Variants in DLG1 observed in about 807,000 individuals in gnomAD.
DLG1 encodes discs large MAGUK scaffold protein 1.
DLG1 carries 42 observed loss-of-function variants against 123.4 expected under a neutral mutation model. That is an observed-to-expected ratio of 0.34 (90% CI 0.27 to 0.44). DLG1 has a LOEUF of 0.44. Ranked by LOEUF, DLG1 falls within the 20% of genes least tolerant of loss-of-function variation. The pLI is 1.00. For synonymous variants in DLG1, 317 were observed against 356.2 expected (o/e 0.89, Z 1.24); for missense variants, 942 against 1,082.6 (o/e 0.87, Z 1.82).
intron 13 of DLG1, among the ~76,000 whole-genome samples, chr3:197,105,754 C>A (rs1765997186): frequency 6.6e-6 from 1 of 151,990 alleles, no homozygotes; most frequent in South Asian, 2.1e-4. Flanking sequence ...TGTTCCTTTT[C>A]CACAATAAGA....
chr3:197,232,270 G>T (rs748703140), intron 4 of DLG1, among the ~76,000 whole-genome samples: 52 of 151,710 alleles, frequency 3.4e-4, no homozygotes, highest in Admixed American at 1.2e-3. Context: ...GGAGGCTGAG[G>T]GGGGAAGACA....
intron 11 of DLG1, among the ~76,000 whole-genome samples, chr3:197,120,608 C>A (rs975973191): frequency 6.6e-6 from 1 of 152,140 alleles, no homozygotes; most frequent in Non-Finnish European, 1.5e-5. Context: ...TAGAGCATAT[C>A]TTCTATGGAG....
intron 16 of DLG1, among the ~76,000 whole-genome samples, chr3:197,084,397 C>T (rs925942503): frequency 1.3e-5 from 2 of 151,316 alleles, no homozygotes; most frequent in Non-Finnish European, 2.9e-5. Context: ...CTGCAACCTC[C>T]ACCTCCTGGG....
chr3:197,068,542 C>A, intron 19 of DLG1: 1 of 1,569,944 alleles, frequency 6.4e-7, no homozygotes, highest in South Asian at 1.1e-5. Flanking sequence ...AGATTACTTT[C>A]ATATTAGACA....
intron 5 of DLG1, among the ~76,000 whole-genome samples, chr3:197,179,308 C>A (rs548170052): frequency 6.6e-6 from 1 of 152,068 alleles, no homozygotes; most frequent in Non-Finnish European, 1.5e-5. Flanking sequence ...GTCATCTACA[C>A]GTGACTGGTT....
At chr3:197,155,740 G>C (rs1796130696) in intron 5 of DLG1, among the ~76,000 whole-genome samples, 1 of 152,082 alleles carries the variant, frequency 6.6e-6, no homozygotes, top group Non-Finnish European at 1.5e-5. Context: ...AGACCAGCCT[G>C]TGGAACATGG....
intron 4 of DLG1, chr3:197,226,458 A>G (rs1561554046): frequency 1.3e-5 from 2 of 152,200 alleles, no homozygotes; most frequent in Non-Finnish European, 2.9e-5. Context: ...TCAATAAGAG[A>G]TGAGCCCAGA....
Position 197,080,987 on chromosome 3 carries a change from CTTTTCA to C in DLG1, c.1905+58_1905+63del, listed in dbSNP as rs1161900413. The C allele has an allele frequency of 4.1e-6, 6 of 1,451,528 alleles. No individual in the cohort carries two copies. In the East Asian group the frequency reaches 9.2e-5, roughly 22 times the overall value. The allele number at this position is 1,451,528 out of a possible 1,614,324, so 89.9% of individuals were successfully genotyped here. ...CATGAATAATTCTGATAGCAAAATCCTTTTCATTTTAACAATGTAGCTCAAACAGGA... is the reference window on the plus strand; with the variant it reads ...CATGAATAATTCTGATAGCAAAATCCTTTTAACAATGTAGCTCAAACAGGA... On this transcript the variant is annotated intron_variant, in intron 17 of 24. Transcript: ENST00000667157.
At position 197,140,142 on chromosome 3, in the gene DLG1, C is replaced by T. The variant is rs769702380; in HGVS notation, c.711G>A (p.Leu237=). Reference sequence around the variant, plus strand: ...ACAATAAAAAGCGCAAAACATACCGCAATCTTCCATCTTGGGCGGCTGCTC... The same window carrying T: ...ACAATAAAAAGCGCAAAACATACCGTAATCTTCCATCTTGGGCGGCTGCTC... ...TGGAAAQDGR[L]RVNDCILRVN... The change falls in exon 8 of 25, where the codon TTG becomes TTA. Residue 237 remains leucine (L), a splice_region_variant and synonymous_variant. Transcript: ENST00000667157. The T allele has an allele frequency of 1.2e-6, 2 of 1,612,410 alleles. No homozygotes were observed. The highest frequency in any genetic ancestry group is 1.7e-6 in the Non-Finnish European group (2 of 1,179,196).
At chr3:197,130,340 C>T (rs1440298302) in intron 11 of DLG1, among the ~76,000 whole-genome samples, 187 bp downstream of exon 11, 1 of 139,422 alleles carries the variant, frequency 7.2e-6, no homozygotes, top group East Asian at 1.9e-4. Context: ...AAAGGATCCC[C>T]CCCTTCTAAT....
chr3:197,196,154 C>A (rs943025727), intron 4 of DLG1, among the ~76,000 whole-genome samples: 1 of 107,548 alleles, frequency 9.3e-6, no homozygotes, highest in African/African-American at 3.7e-5. Flanking sequence ...GAAAAATGTA[C>A]GTTTGTAAAT....
At chr3:197,213,048 G>A (rs1238682053) in intron 4 of DLG1, among the ~76,000 whole-genome samples, 1 of 152,106 alleles carries the variant, frequency 6.6e-6, no homozygotes, top group Non-Finnish European at 1.5e-5. Flanking sequence ...CCTAGGATAT[G>A]AAAACAACCT....
intron 4 of DLG1, among the ~76,000 whole-genome samples, chr3:197,280,999 A>G (rs1304180548): frequency 6.6e-6 from 1 of 151,050 alleles, no homozygotes; most frequent in African/African-American, 2.4e-5. Flanking sequence ...TTAAGCTAAC[A>G]TGCTAAACTT....
At chr3:197,129,039 T>C (rs1781202317) in intron 11 of DLG1, among the ~76,000 whole-genome samples, 1 of 152,220 alleles carries the variant, frequency 6.6e-6, no homozygotes, top group Non-Finnish European at 1.5e-5. Flanking sequence ...GGGCATTGGC[T>C]TCAACTGAAA....
chr3:197,099,574 T>C (rs1762384670), intron 14 of DLG1, among the ~76,000 whole-genome samples: 2 of 152,324 alleles, frequency 1.3e-5, no homozygotes, highest in African/African-American at 4.8e-5. Flanking sequence ...TATACGCTTA[T>C]ACAAGGAGAG....
intron 5 of DLG1, among the ~76,000 whole-genome samples, chr3:197,171,915 A>G (rs1434321779): frequency 6.6e-6 from 1 of 152,100 alleles, no homozygotes; most frequent in Non-Finnish European, 1.5e-5. Context: ...ATGGGCCCTT[A>G]ATGCTTCCCA....
intron 4 of DLG1, among the ~76,000 whole-genome samples, chr3:197,259,539 G>A (rs530723689): frequency 2.6e-5 from 4 of 152,116 alleles, no homozygotes; most frequent in South Asian, 2.1e-4. Flanking sequence ...ATGAGACATC[G>A]TAAGTGCATA....
At chr3:197,297,587 C>A in intron 1 of DLG1, 1 of 1,025,826 alleles carries the variant, frequency 9.7e-7, no homozygotes, top group Non-Finnish European at 1.2e-6. Context: ...ACCCTTGGCC[C>A]CTGAGCCAGC....
chr3:197,075,076 G>A (rs1233299768), intron 18 of DLG1, among the ~76,000 whole-genome samples: 2 of 151,836 alleles, frequency 1.3e-5, no homozygotes, highest in African/African-American at 2.4e-5. Context: ...TAAGCAATTT[G>A]AAAACATGCA....
Sources: gnomAD v4.1 joint callset for allele counts (sites outside exome capture counted in the v4.1 genomes callset) on GRCh38, gnomAD v4.1.1 for gene constraint, MANE v1.5 for transcripts, NCBI Gene and HGNC (gene_info 2026-07-23, HGNC 2026-07-21) for gene names.